GABRA1: variants seen among roughly 807,000 people sequenced by gnomAD.
GABRA1 encodes gamma-aminobutyric acid type A receptor subunit alpha1.
GABRA1 carries 9 observed loss-of-function variants against 48.9 expected under a neutral mutation model. The observed-to-expected ratio is 0.18, with a 90% CI of 0.11 to 0.32. GABRA1 has a LOEUF of 0.32. Ranked by LOEUF, GABRA1 falls within the 10% of genes least tolerant of loss-of-function variation. GABRA1 has a pLI of 1.00. For synonymous variants in GABRA1, 210 were observed against 198.7 expected, an observed-to-expected ratio of 1.06 and a Z score of -0.48; for missense variants, 285 against 553.8, an observed-to-expected ratio of 0.51 and a Z score of 4.87.
chr5:161,886,879 G>A (rs1754872012), intron 7 of GABRA1, among the ~76,000 whole-genome samples: 1 of 152,040 alleles, frequency 6.6e-6, no homozygotes, highest in Admixed American at 6.6e-5. Context: ...ATGTGTCAAG[G>A]GTGGCATAAC....
Position 161,873,097 on chromosome 5 carries a change from C to T in GABRA1, c.256-20C>T. On this transcript the variant is annotated intron_variant, in intron 4 of 9. Transcript: ENST00000393943. ...AAATACAGCACAGTGAACTCTTCGT[C>T]ATTTTCCAAAATTACCTAGGAATAT... The T allele has an allele frequency of 1.3e-6, 2 of 1,570,342 alleles. No individual in the cohort carries two copies. Among genetic ancestry groups the T allele is most frequent in the East Asian group, 2.2e-5 (1 of 44,678 alleles).
chr5:161,879,270 G>A (rs1754503358), intron 6 of GABRA1, among the ~76,000 whole-genome samples: 1 of 151,998 alleles, frequency 6.6e-6, no homozygotes, highest in South Asian at 2.1e-4. Context: ...CATCACACCT[G>A]GCTAATTTTC....
intron 1 of GABRA1, chr5:161,848,983 C>T (rs1457157082): frequency 2.2e-6 from 1 of 455,468 alleles, no homozygotes; most frequent in African/African-American, 2.0e-5. Context: ...GGGGTCTCTC[C>T]CATTCTGAAC....
At chr5:161,856,859 A>G (rs1343282954) in intron 3 of GABRA1, among the ~76,000 whole-genome samples, 1 of 151,302 alleles carries the variant, frequency 6.6e-6, no homozygotes, top group Non-Finnish European at 1.5e-5. Flanking sequence ...ATAACCAGCC[A>G]TAGACTTAGA....
chr5:161,861,689 G>C, intron 3 of GABRA1, among the ~76,000 whole-genome samples: 1 of 151,856 alleles, frequency 6.6e-6, no homozygotes, highest in Non-Finnish European at 1.5e-5. Flanking sequence ...TGGAGATGAA[G>C]GACAGGGGAC....
Position 161,865,703 on chromosome 5 carries a change from A to T in GABRA1, c.188-18A>T, listed in dbSNP as rs768890235. 1 of 1,611,066 alleles carries T rather than the reference A, an allele frequency of 6.2e-7. No homozygotes were observed. Among genetic ancestry groups the T allele is most frequent in the Non-Finnish European group, 8.5e-7 (1 of 1,177,442 alleles). On this transcript the variant is annotated intron_variant, in intron 3 of 9. Coordinates refer to ENST00000393943, the MANE Select transcript of GABRA1 (RefSeq NM_001127644.2). ...ACGGTTGACAGACACTCACTCGCCC[A>T]ATTTCCTGCTTCAACAGAGCGTGTA...
intron 6 of GABRA1, among the ~76,000 whole-genome samples, chr5:161,879,234 GAGT>G (rs1476307860): frequency 6.6e-6 from 1 of 152,066 alleles, no homozygotes; most frequent in Admixed American, 6.5e-5. Flanking sequence ...TCAGCCTCCT[GAGT>G]AGCTGGGACT....
At chr5:161,852,746 C>T (rs7733463) in intron 2 of GABRA1, among the ~76,000 whole-genome samples, 5,954 of 151,978 alleles carry the variant, frequency 0.039, 399 homozygotes, top group African/African-American at 0.14. Context: ...TTCAAAGAGA[C>T]ACATTACATA....
At position 161,858,229 on chromosome 5, in the gene GABRA1, C is replaced by T. The variant is rs771954899; in HGVS notation, c.187+3959C>T. On this transcript the variant is annotated intron_variant, in intron 3 of 9. Coordinates refer to ENST00000393943, the MANE Select transcript of GABRA1 (RefSeq NM_001127644.2). Reference sequence around the variant, plus strand: ...TTTCCCAAGTTTTCTCCTCTTTGCCCGTATTATAATAAATGAAGGAAGCCT... The same window carrying T: ...TTTCCCAAGTTTTCTCCTCTTTGCCTGTATTATAATAAATGAAGGAAGCCT... Among the ~76,000 whole-genome samples the T allele has an allele frequency of 4.0e-5, 6 of 151,364 alleles. No homozygotes were observed. The East Asian group carries it at 5.8e-4, about 15-fold the overall frequency.
chr5:161,893,009 A>AAAT (rs60042641), intron 8 of GABRA1, among the ~76,000 whole-genome samples: 4,368 of 122,364 alleles, frequency 0.036, 134 homozygotes, highest in East Asian at 0.078. Context: ...CTTCTCAAAA[A>AAAT]AATAATAATA....
intron 8 of GABRA1, 38 bp from the exon 9 acceptor site, chr5:161,895,628 T>A: frequency 1.3e-6 from 2 of 1,559,384 alleles, no homozygotes; most frequent in Non-Finnish European, 1.8e-6. Context: ...TTTCACAGTA[T>A]GAACTGGCAT....
intron 3 of GABRA1, among the ~76,000 whole-genome samples, chr5:161,856,434 T>G (rs997016518): frequency 6.6e-6 from 1 of 151,386 alleles, no homozygotes; most frequent in Non-Finnish European, 1.5e-5. Flanking sequence ...GCTACAATAA[T>G]TCCAGGACTT....
rs537700450 is a variant in GABRA1, at chr5:161,889,488, A to G, written c.704-1410A>G. Among the ~76,000 whole-genome samples the G allele has an allele frequency of 5.3e-5, 8 of 152,194 alleles. No individual in the cohort carries two copies. The East Asian group carries it at 1.5e-3, about 29-fold the overall frequency. ...TTAATACATTTTCTTCCATAGGACA[A>G]TAATTTCTATTCCACTGAGGACCTG... On this transcript the variant is annotated intron_variant, in intron 7 of 9. Coordinates refer to ENST00000393943, the MANE Select transcript of GABRA1 (RefSeq NM_001127644.2).
In GABRA1 at chr5:161,855,523, A is replaced by G. The variant is rs185760479; in HGVS notation, c.187+1253A>G. On this transcript the variant is annotated intron_variant, in intron 3 of 9. Coordinates refer to ENST00000393943, the MANE Select transcript of GABRA1 (RefSeq NM_001127644.2). ...CAGGTTTAGACTTCACCAAGTTTATATTGAAGTTTTTAGAAAAAATTCTTT... is the reference window on the plus strand; with the variant it reads ...CAGGTTTAGACTTCACCAAGTTTATGTTGAAGTTTTTAGAAAAAATTCTTT... 1.3e-5 allele frequency among the ~76,000 whole-genome samples: 2 copies of G among 151,652 alleles called. 1 individual carries two copies. Among genetic ancestry groups the G allele is most frequent in the Non-Finnish European group, 3.0e-5 (2 of 67,582 alleles).
Position 161,897,745 on chromosome 5 carries a change from C to A in GABRA1, c.*323C>A. ...AAAAAAATAACACTTAACTAAAACC[C>A]CTAGGTCATTTGTAGATATATATTT... On this transcript the variant is annotated 3_prime_UTR_variant, in exon 10 of 10. Coordinates refer to ENST00000393943, the MANE Select transcript of GABRA1 (RefSeq NM_001127644.2). The A allele has an allele frequency of 3.9e-6, 1 of 253,198 alleles. No homozygotes were observed. Among genetic ancestry groups the A allele is most frequent in the Non-Finnish European group, 7.5e-6 (1 of 132,496 alleles). 15.7% of individuals were successfully genotyped at this position (253,198 alleles called of 1,614,324 possible).
Position 161,873,245 on chromosome 5 carries a change from C to G in GABRA1, c.384C>G (p.Phe128Leu). ...ASKIWTPDTF[F>L]HNGKKSVAHN... ...AAATCTGGACTCCGGACACATTTTTCCACAATGGAAAGAAGTCAGTGGCCC... is the reference window on the plus strand; with the variant it reads ...AAATCTGGACTCCGGACACATTTTTGCACAATGGAAAGAAGTCAGTGGCCC... The change falls in exon 5 of 10, where the codon TTC becomes TTG. Residue 128 changes from phenylalanine (F) to leucine (L), a missense_variant. Physicochemically the swap from Phe to Leu is conservative, Grantham distance 22 (BLOSUM62 0). Transcript: ENST00000393943. The G allele has an allele frequency of 1.2e-6, 2 of 1,613,912 alleles. No homozygotes were observed. The highest frequency in any genetic ancestry group is 1.7e-6 in the Non-Finnish European group (2 of 1,179,858).
intron 3 of GABRA1, among the ~76,000 whole-genome samples, chr5:161,855,269 T>C (rs960229993): frequency 6.6e-6 from 1 of 151,626 alleles, no homozygotes; most frequent in African/African-American, 2.4e-5. Context: ...TTCAACTAAA[T>C]GGTTGCATGG....
chr5:161,856,158 C>A (rs1757636143), intron 3 of GABRA1, among the ~76,000 whole-genome samples: 1 of 151,158 alleles, frequency 6.6e-6, no homozygotes, highest in Non-Finnish European at 1.5e-5. Flanking sequence ...CTCCTAGACC[C>A]TGGAGAGCCA....
intron 6 of GABRA1, among the ~76,000 whole-genome samples, chr5:161,879,874 T>G (rs1754536269): frequency 1.3e-5 from 2 of 152,172 alleles, no homozygotes. Flanking sequence ...TACAACTATA[T>G]TAGCAGCTCC....
Sources: allele counts gnomAD v4.1 joint callset (sites outside exome capture counted in the v4.1 genomes callset), GRCh38; gene constraint gnomAD v4.1.1; transcripts MANE v1.5; gene names NCBI Gene and HGNC (gene_info 2026-07-23, HGNC 2026-07-21).